Variants in SAXO1 observed in about 807,000 individuals in gnomAD.
SAXO1 encodes stabilizer of axonemal microtubules 1, also known as 4930500O09Rik.
In SAXO1, 21 loss-of-function variants were observed where a neutral mutation model predicts 17.5. The ratio of observed to expected loss-of-function variants is 1.20; its 90% CI spans 0.85 to 1.72. The LOEUF is 1.72. SAXO1 is among the 40% of genes most tolerant of loss of function. The pLI is 0.00. For missense variants in SAXO1, 843 were observed against 596.0 expected (o/e 1.41, Z -4.32); for synonymous variants, 274 against 216.5 (o/e 1.27, Z -2.33).
intron 1 of SAXO1, among the ~76,000 whole-genome samples, chr9:19,021,743 A>T (rs1444249317): frequency 6.6e-6 from 1 of 152,242 alleles, no homozygotes; most frequent in Non-Finnish European, 1.5e-5. Context: ...TAGCTAAAGG[A>T]TTGCAAATGC....
At chr9:19,016,124 C>T (rs1396542635) in intron 1 of SAXO1, among the ~76,000 whole-genome samples, 2 of 152,144 alleles carry the variant, frequency 1.3e-5, no homozygotes, top group Non-Finnish European at 2.9e-5. Flanking sequence ...GTGATAAAGC[C>T]ATTAATGCAA....
chr9:18,967,890 G>A (rs1466291027), intron 1 of SAXO1, among the ~76,000 whole-genome samples: 2 of 152,238 alleles, frequency 1.3e-5, no homozygotes, highest in Non-Finnish European at 2.9e-5. Context: ...GCACACAAGG[G>A]AATCTCCTGG....
At chr9:18,989,495 A>G (rs1833721393) in intron 1 of SAXO1, among the ~76,000 whole-genome samples, 1 of 152,196 alleles carries the variant, frequency 6.6e-6, no homozygotes, top group South Asian at 2.1e-4. Flanking sequence ...CATTTAATGT[A>G]TACAGATGAC....
At chr9:18,973,042 C>T (rs569850096) in intron 1 of SAXO1, among the ~76,000 whole-genome samples, 4 of 152,282 alleles carry the variant, frequency 2.6e-5, no homozygotes, top group African/African-American at 9.6e-5. Context: ...CCTGGCTGCA[C>T]GGGGAGCTGC....
chr9:18,967,254 C>G (rs1014333556), intron 1 of SAXO1, among the ~76,000 whole-genome samples: 9 of 152,222 alleles, frequency 5.9e-5, no homozygotes, highest in African/African-American at 2.2e-4. Context: ...CAGTCTGTCC[C>G]CTAGCAGAGC....
intron 1 of SAXO1, among the ~76,000 whole-genome samples, chr9:18,974,161 C>A (rs2131802922): frequency 6.6e-6 from 1 of 152,256 alleles, no homozygotes; most frequent in East Asian, 1.9e-4. Flanking sequence ...TTATGTTTTA[C>A]AAACCAGTAA....
At chr9:18,938,830 G>GTGTGTGTGTGTGTATA (rs1554667863) in intron 3 of SAXO1, among the ~76,000 whole-genome samples, 1 of 147,766 alleles carries the variant, frequency 6.8e-6, no homozygotes, top group African/African-American at 2.5e-5. Context: ...GCGTGTGTGT[G>GTGTGTGTGTGTGTATA]TGTGTGTGTG....
chr9:18,938,217 C>T (rs904429120), intron 3 of SAXO1, among the ~76,000 whole-genome samples: 1 of 152,134 alleles, frequency 6.6e-6, no homozygotes, highest in African/African-American at 2.4e-5. Flanking sequence ...TCAATTTTAA[C>T]TTTGTCAGTA....
At chr9:19,014,287 C>G (rs966760940) in intron 1 of SAXO1, among the ~76,000 whole-genome samples, 1 of 151,504 alleles carries the variant, frequency 6.6e-6, no homozygotes, top group African/African-American at 2.4e-5. Flanking sequence ...GTGGAGAAAC[C>G]CTATCTCTAC....
chr9:18,944,115 T>C (rs1344515939), intron 2 of SAXO1, among the ~76,000 whole-genome samples: 2 of 152,198 alleles, frequency 1.3e-5, no homozygotes, highest in East Asian at 3.8e-4. Context: ...CCAATCGCCT[T>C]TTCCAGTATA....
chr9:19,033,156 A>G lies in SAXO1; in HGVS notation c.-248T>C. On this transcript the variant is annotated 5_prime_UTR_variant, in exon 1 of 4. Transcript: ENST00000380534. ...GCCAGCCCGGGAGACCTCACCCTGC[A>G]CGCCACCGCCCCGGCCTCCGCAGTC... is the stretch of plus-strand genomic sequence containing the variant. The G allele has an allele frequency of 2.2e-6, 1 of 445,710 alleles. No homozygotes were observed. The highest frequency in any genetic ancestry group is 4.0e-6 in the Non-Finnish European group (1 of 251,644). The allele number at this position is 445,710 out of a possible 1,614,324, so 27.6% of individuals were successfully genotyped here. A position where few individuals can be genotyped will look rare whatever the true frequency, so the allele number is the denominator to read the frequency against.
intron 1 of SAXO1, among the ~76,000 whole-genome samples, chr9:18,993,234 T>A (rs1403301035): frequency 6.6e-6 from 1 of 152,022 alleles, no homozygotes; most frequent in Non-Finnish European, 1.5e-5. Flanking sequence ...AAGCCCCGCA[T>A]GCATTAGGTA....
At chr9:19,030,533 C>T (rs1390101552) in intron 1 of SAXO1, among the ~76,000 whole-genome samples, 1 of 151,934 alleles carries the variant, frequency 6.6e-6, no homozygotes, top group African/African-American at 2.4e-5. Flanking sequence ...TGGTGAAACC[C>T]CATCTCTACT....
chr9:18,957,134 CAG>C (rs1005293434), intron 1 of SAXO1, among the ~76,000 whole-genome samples: 37 of 152,306 alleles, frequency 2.4e-4, no homozygotes, highest in Admixed American at 2.0e-3. Flanking sequence ...CAGCTACACT[CAG>C]AGTCTTCCAA....
At chr9:18,992,464 A>C (rs531056067) in intron 1 of SAXO1, among the ~76,000 whole-genome samples, 1 of 152,246 alleles carries the variant, frequency 6.6e-6, no homozygotes, top group Non-Finnish European at 1.5e-5. Context: ...TAATGAGCTC[A>C]TGGTACCTCA....
intron 1 of SAXO1, among the ~76,000 whole-genome samples, chr9:18,999,164 T>C (rs375897443): frequency 4.6e-5 from 7 of 152,218 alleles, no homozygotes; most frequent in African/African-American, 1.4e-4. Flanking sequence ...GACTGGCAAA[T>C]TGGATAAAGA....
intron 1 of SAXO1, among the ~76,000 whole-genome samples, chr9:18,965,573 G>A (rs946709361): frequency 7.4e-6 from 1 of 135,648 alleles, no homozygotes; most frequent in Non-Finnish European, 1.5e-5. Context: ...TGCAACCCCT[G>A]CTTTTTTTTT....
Position 18,936,484 on chromosome 9 carries a change from A to T in SAXO1, c.421+5153T>A, listed in dbSNP as rs117434056. Reference sequence around the variant, plus strand: ...CTTTTCTGGCTCTCTTCTGTGATGGATGAAGTGTTAACAAAACAGGTTTCT... The same window carrying T: ...CTTTTCTGGCTCTCTTCTGTGATGGTTGAAGTGTTAACAAAACAGGTTTCT... On this transcript the variant is annotated intron_variant, in intron 3 of 3. Transcript: ENST00000380534. Among the ~76,000 whole-genome samples the T allele has an allele frequency of 1.3e-3, 201 of 152,242 alleles. 9 individuals carry two copies. In the East Asian group the frequency reaches 0.037, roughly 28 times the overall value.
intron 1 of SAXO1, among the ~76,000 whole-genome samples, chr9:18,959,103 G>A (rs62550806): frequency 3.9e-5 from 6 of 152,194 alleles, no homozygotes; most frequent in Non-Finnish European, 7.3e-5. Flanking sequence ...AGCCGCTGGG[G>A]TGGGGACAAG....
Sources: gnomAD v4.1 joint callset for allele counts (sites outside exome capture counted in the v4.1 genomes callset) on GRCh38, gnomAD v4.1.1 for gene constraint, MANE v1.5 for transcripts, NCBI Gene and HGNC (gene_info 2026-07-23, HGNC 2026-07-21) for gene names.